Variants in CSMD3 observed in about 807,000 individuals in gnomAD.
The protein encoded by CSMD3 is CUB and sushi domain-containing protein 3.
A neutral mutation model predicts 435.2 loss-of-function variants in CSMD3; 177 were observed. The observed-to-expected ratio is 0.41, with a 90% confidence interval of 0.36 to 0.46. CSMD3 has a LOEUF of 0.46. CSMD3 is among the 20% of genes least tolerant of loss of function. CSMD3 has a pLI of 0.34. For synonymous variants in CSMD3, 1,656 were observed against 1,520.5 expected (o/e 1.09, Z -2.07); for missense variants, 4,265 against 4,504.6 (o/e 0.95, Z 1.52).
intron 13 of CSMD3, among the ~76,000 whole-genome samples, chr8:112,724,619 A>G (rs1041189529): frequency 3.3e-5 from 5 of 152,106 alleles, no homozygotes; most frequent in African/African-American, 9.7e-5. Flanking sequence ...GTGTCCAAGT[A>G]GAGATTTCAA....
intron 13 of CSMD3, among the ~76,000 whole-genome samples, chr8:112,794,349 A>G (rs2078771354): frequency 7.7e-6 from 1 of 129,952 alleles, no homozygotes; most frequent in Non-Finnish European, 1.5e-5. Flanking sequence ...GTTAGAGGGC[A>G]GCGGCGCGGT....
At chr8:112,566,040 CTTT>C (rs566193975) in intron 24 of CSMD3, among the ~76,000 whole-genome samples, 3 of 141,840 alleles carry the variant, frequency 2.1e-5, no homozygotes, top group Admixed American at 7.1e-5. Flanking sequence ...CTCTCTCTCT[CTTT>C]TTTTTTTTTT....
chr8:113,409,061 TTTCTTC>T (rs1302073358), intron 1 of CSMD3, among the ~76,000 whole-genome samples: 3 of 149,758 alleles, frequency 2.0e-5, no homozygotes, highest in Admixed American at 6.8e-5. Flanking sequence ...AATAAGACTT[TTTCTTC>T]TTCTTCTTCT....
chr8:112,409,274 A>C (rs1338533865), intron 32 of CSMD3, among the ~76,000 whole-genome samples: 1 of 152,100 alleles, frequency 6.6e-6, no homozygotes, highest in Non-Finnish European at 1.5e-5. Context: ...AATTCTTAAA[A>C]ATATAAATGA....
At chr8:112,854,631 C>T (rs759030977) in intron 11 of CSMD3, among the ~76,000 whole-genome samples, 1 of 152,154 alleles carries the variant, frequency 6.6e-6, no homozygotes, top group African/African-American at 2.4e-5. Flanking sequence ...CTTACAGACT[C>T]ACAAAGTTTC....
At chr8:112,524,121 T>C (rs559394863) in intron 27 of CSMD3, among the ~76,000 whole-genome samples, 1 of 152,204 alleles carries the variant, frequency 6.6e-6, no homozygotes, top group Non-Finnish European at 1.5e-5. Context: ...TAGATTCTTA[T>C]GCTCCAGTAT....
intron 16 of CSMD3, among the ~76,000 whole-genome samples, chr8:112,675,490 G>T (rs2075751946): frequency 6.6e-6 from 1 of 152,068 alleles, no homozygotes; most frequent in South Asian, 2.1e-4. Flanking sequence ...AGATCAAAGG[G>T]GGCACTGCTG....
chr8:112,685,857 T>C (rs1563851494), intron 14 of CSMD3, 125 bp from the exon 15 acceptor site: 2 of 705,862 alleles, frequency 2.8e-6, no homozygotes, highest in Non-Finnish European at 4.7e-6. Flanking sequence ...TTATGTAAAT[T>C]ATAAAACAGA....
chr8:113,080,886 T>C (rs895076927), intron 5 of CSMD3, among the ~76,000 whole-genome samples: 1 of 152,228 alleles, frequency 6.6e-6, no homozygotes, highest in African/African-American at 2.4e-5. Context: ...ATTCCTGTTA[T>C]TTTGAAGCAA....
chr8:112,310,659 T>C (rs528064812), intron 50 of CSMD3: 1 of 400,484 alleles, frequency 2.5e-6, no homozygotes, highest in Non-Finnish European at 4.7e-6. Context: ...GACTTCATAC[T>C]AACTCAGTCT....
intron 3 of CSMD3, among the ~76,000 whole-genome samples, chr8:113,218,717 T>A (rs1454254496): frequency 6.6e-6 from 1 of 151,248 alleles, no homozygotes; most frequent in Non-Finnish European, 1.5e-5. Context: ...TACATAAAAA[T>A]TTATATTTAA....
intron 1 of CSMD3, among the ~76,000 whole-genome samples, chr8:113,361,757 G>A (rs945380729): frequency 1.1e-4 from 17 of 151,946 alleles, no homozygotes; most frequent in Non-Finnish European, 1.5e-5. Flanking sequence ...ACATTTATAG[G>A]AACCATATCA....
chr8:112,426,363 C>T (rs1041916972), intron 32 of CSMD3, among the ~76,000 whole-genome samples: 11 of 152,048 alleles, frequency 7.2e-5, no homozygotes, highest in Non-Finnish European at 1.6e-4. Flanking sequence ...TAAATATAAA[C>T]ATAGTCATGT....
intron 6 of CSMD3, among the ~76,000 whole-genome samples, chr8:112,991,613 T>C (rs896373233): frequency 2.0e-5 from 3 of 151,772 alleles, no homozygotes; most frequent in Non-Finnish European, 4.4e-5. Flanking sequence ...TTCAATATGG[T>C]GTGCCTTGGA....
chr8:113,434,890 C>G (rs778830030), intron 1 of CSMD3, among the ~76,000 whole-genome samples: 2 of 152,132 alleles, frequency 1.3e-5, no homozygotes, highest in African/African-American at 4.8e-5. Flanking sequence ...CCCTCATCTG[C>G]CCCCGAATGT....
At chr8:112,653,367 G>A (rs1386791691) in intron 18 of CSMD3, among the ~76,000 whole-genome samples, 1 of 151,922 alleles carries the variant, frequency 6.6e-6, no homozygotes, top group Non-Finnish European at 1.5e-5. Context: ...TCTTTTAGAT[G>A]TCTAACATTT....
intron 10 of CSMD3, among the ~76,000 whole-genome samples, chr8:112,865,425 C>G (rs948236217): frequency 1.3e-5 from 2 of 151,994 alleles, no homozygotes; most frequent in African/African-American, 4.8e-5. Flanking sequence ...TTGAATTTTT[C>G]CATCATGATT....
At chr8:112,853,570 T>G (rs2080558216) in intron 11 of CSMD3, among the ~76,000 whole-genome samples, 1 of 152,202 alleles carries the variant, frequency 6.6e-6, no homozygotes, top group African/African-American at 2.4e-5. Context: ...CTCTAAGACT[T>G]TCTTTGAGAT....
At chr8:113,083,007 G>A (rs1258692564) in intron 5 of CSMD3, among the ~76,000 whole-genome samples, 2 of 152,072 alleles carry the variant, frequency 1.3e-5, no homozygotes, top group East Asian at 3.9e-4. Flanking sequence ...TACGGGAGAA[G>A]GCACAGAAAA....
Sources: allele counts gnomAD v4.1 joint callset (sites outside exome capture counted in the v4.1 genomes callset), GRCh38; gene constraint gnomAD v4.1.1; transcripts MANE v1.5; gene names NCBI Gene and HGNC (gene_info 2026-07-23, HGNC 2026-07-21).